The following SLC1A6 variants were observed in gnomAD, a reference collection of about 807,000 sequenced individuals.
SLC1A6 encodes excitatory amino acid transporter 4.
SLC1A6 carries 15 observed loss-of-function variants against 42.1 expected under a neutral mutation model. The observed-to-expected ratio is 0.36, with a 90% confidence interval of 0.24 to 0.55. SLC1A6 has a LOEUF of 0.55. Among genes scored for constraint, SLC1A6 ranks in the 20% least tolerant of loss-of-function variants. SLC1A6 has a pLI of 0.88. For synonymous variants in SLC1A6, 317 were observed against 319.7 expected (o/e 0.99, Z 0.09); for missense variants, 542 against 772.5 (o/e 0.70, Z 3.54).
intron 1 of SLC1A6, among the ~76,000 whole-genome samples, chr19:15,005,389 A>T (rs1427446072): frequency 6.6e-6 from 1 of 152,076 alleles, no homozygotes; most frequent in Non-Finnish European, 1.5e-5. Flanking sequence ...GGCATCTGTA[A>T]TCCCAGCTAC....
chr19:14,993,457 TA>T (rs1555710137), intron 1 of SLC1A6, among the ~76,000 whole-genome samples: 1 of 152,120 alleles, frequency 6.6e-6, no homozygotes, highest in Admixed American at 6.6e-5. Context: ...TTTTATAATT[TA>T]AAAAAATCAA....
At chr19:14,963,636 A>G (rs12459441) in intron 5 of SLC1A6, among the ~76,000 whole-genome samples, 20,263 of 152,142 alleles carry the variant, frequency 0.13, 1,775 homozygotes, top group African/African-American at 0.25. Context: ...TGCCTGAATA[A>G]ATGAATGAGG....
intron 1 of SLC1A6, among the ~76,000 whole-genome samples, chr19:14,999,635 T>C (rs1160018879): frequency 3.9e-5 from 6 of 152,202 alleles, no homozygotes; most frequent in Non-Finnish European, 7.3e-5. Flanking sequence ...CATTTTTTTG[T>C]GGTGAGAACA....
rs1289574517 is a variant in SLC1A6 at position 14,972,560 on chromosome 19, T to TG, written c.205+145dup. ...TTCATCTGTGTGGTGTGTCTTTATG[T>TG]GGGGGGTTGAGGGTGACTGGTGGGA... On this transcript the variant is annotated intron_variant, in intron 2 of 9. Coordinates refer to ENST00000594383, the MANE Select transcript of SLC1A6 (RefSeq NM_005071.3). The TG allele has an allele frequency of 1.3e-4, 82 of 647,870 alleles. 1 individual carries two copies. Among genetic ancestry groups the TG allele is most frequent in the South Asian group, 1.0e-3 (52 of 52,028 alleles). The allele number at this position is 647,870 out of a possible 1,614,324, so 40.1% of individuals were successfully genotyped here.
Position 14,972,872 on chromosome 19 carries a change from G to A in SLC1A6, c.39C>T (p.Ser13=), listed in dbSNP as rs772018990. Residue 13 remains serine (S), a synonymous_variant, in exon 2 of 10, where the codon AGC becomes AGT. Coordinates refer to ENST00000594383, the MANE Select transcript of SLC1A6 (RefSeq NM_005071.3). ...SHGNSLFLRE[S]GQRLGRVGWL... is the part of the protein sequence containing the mutation. ...AGCCCACCCGGCCCAGCCGCTGGCC[G>A]CTCTCCCGCAGGAACAGGCTGTTGC... is the stretch of plus-strand genomic sequence containing the variant. 3.1e-5 allele frequency: 49 copies of A among 1,602,340 alleles called. No individual in the cohort carries two copies. The East Asian group carries it at 9.9e-4, about 32-fold the overall frequency.
At position 15,002,890 on chromosome 19, in the gene SLC1A6, T is replaced by TTTTGTTTG. The variant is rs147491469; in HGVS notation, c.6+7587_6+7594dup. 9.2e-5 allele frequency among the ~76,000 whole-genome samples: 14 copies of TTTTGTTTG among 151,950 alleles called. No individual in the cohort carries two copies. In the South Asian group the frequency reaches 2.7e-3, roughly 29 times the overall value. On this transcript the variant is annotated intron_variant, in intron 1 of 8. Coordinates refer to the SLC1A6 transcript ENST00000430939. ...TGATGATGGATGCCTGAGCCATTAT[T>TTTTGTTTG]TTTGTTTGTTTGTTTGTTTGTTTGT...
upstream of SLC1A6, among the ~76,000 whole-genome samples, chr19:14,982,072 A>C (rs2045771126): frequency 6.6e-6 from 1 of 151,240 alleles, no homozygotes; most frequent in African/African-American, 2.4e-5. Flanking sequence ...AAAAAAAATA[A>C]AATTTAAAAA....
chr19:15,004,129 G>A (rs1035784813), intron 1 of SLC1A6, among the ~76,000 whole-genome samples: 10 of 152,010 alleles, frequency 6.6e-5, no homozygotes, highest in East Asian at 3.9e-4. Flanking sequence ...GCACTCCAGC[G>A]TGAGCAACAG....
At chr19:14,963,858 T>C (rs998279275) in intron 5 of SLC1A6, among the ~76,000 whole-genome samples, 150 of 151,416 alleles carry the variant, frequency 9.9e-4, no homozygotes, top group African/African-American at 3.5e-3. Flanking sequence ...TTTTTTGATA[T>C]GGGGTCTTGC....
intron 1 of SLC1A6, among the ~76,000 whole-genome samples, chr19:15,004,075 G>T (rs897396584): frequency 1.2e-4 from 18 of 152,098 alleles, no homozygotes; most frequent in African/African-American, 4.3e-4. Flanking sequence ...AGAATTGCTT[G>T]AACCCAGGAG....
At chr19:14,968,851 A>AT (rs71168531) in intron 3 of SLC1A6, among the ~76,000 whole-genome samples, 31,151 of 149,548 alleles carry the variant, frequency 0.21, 4,082 homozygotes, top group African/African-American at 0.37. Flanking sequence ...TAACCTAACT[A>AT]TTTTTTTTTT....
At position 14,962,287 on chromosome 19, in the gene SLC1A6, C is replaced by T; in HGVS notation, c.650G>A (p.Gly217Glu). ...VTRTMVRTEN[G>E]SEPGASMPPP... is the part of the protein sequence containing the mutation. The stretch of plus-strand genomic sequence containing the variant: ...AGGCATGGAGGCACCCGGCTCAGAC[C>T]CGTTCTCTGTCCTCACCATGGTCCT... The change falls in exon 6 of 10, where the codon GGG becomes GAG. Residue 217 changes from glycine to glutamate, a missense_variant. Transcript: ENST00000594383. The T allele has an allele frequency of 6.2e-7, 1 of 1,614,118 alleles. No individual in the cohort carries two copies. The highest frequency in any genetic ancestry group is 8.5e-7 in the Non-Finnish European group (1 of 1,180,006).
Position 14,955,098 on chromosome 19 carries a change from C to T in SLC1A6, c.1170-769G>A, listed in dbSNP as rs1315765191. On this transcript the variant is annotated intron_variant, in intron 7 of 9. Coordinates refer to ENST00000594383, the MANE Select transcript of SLC1A6 (RefSeq NM_005071.3). ...GGCATCTCATTTGGGGTAAGTCTGT[C>T]CACAAGGCGTGTGTTCTGTGGTCAG... 5.3e-5 allele frequency among the ~76,000 whole-genome samples: 8 copies of T among 152,090 alleles called. No homozygotes were observed. In the East Asian group the frequency reaches 1.5e-3, roughly 29 times the overall value.
chr19:15,001,629 C>T (rs2045872934), intron 1 of SLC1A6, among the ~76,000 whole-genome samples: 1 of 152,138 alleles, frequency 6.6e-6, no homozygotes, highest in South Asian at 2.1e-4. Flanking sequence ...CTTCACTGAA[C>T]CCACCTATTG....
chr19:14,950,348 A>C lies in SLC1A6; in HGVS notation c.1542T>G (p.Ile514Met). 1 of 1,607,326 alleles carries C rather than the reference A, an allele frequency of 6.2e-7. No homozygotes were observed. The highest frequency in any genetic ancestry group is 8.5e-7 in the Non-Finnish European group (1 of 1,176,150). The change falls in exon 10 of 10, where the codon ATT becomes ATG. Residue 514 changes from isoleucine (I) to methionine (M), a missense_variant. Around this residue, in one of 6 missense-constraint regions of SLC1A6, gnomAD observed 73 missense variants for 85.2 expected, o/e 0.86. Coordinates refer to ENST00000594383, the MANE Select transcript of SLC1A6 (RefSeq NM_005071.3). ...ACAAGTGCTCGATGACGGCCGCTCC[A>C]ATTGAGTCCCCCAGTACGTTGGTCA... ...RTMTNVLGDS[I>M]GAAVIEHLSQ...
At chr19:15,009,382 T>C (rs934360560) in intron 1 of SLC1A6, among the ~76,000 whole-genome samples, 2 of 152,094 alleles carry the variant, frequency 1.3e-5, no homozygotes, top group African/African-American at 4.8e-5. Context: ...GCTCTATATA[T>C]AGCAGATATA....
intron 1 of SLC1A6, among the ~76,000 whole-genome samples, chr19:14,993,917 G>A (rs2045832804): frequency 6.6e-6 from 1 of 152,036 alleles, no homozygotes; most frequent in South Asian, 2.1e-4. Context: ...GGGTGCAGGT[G>A]GGCTGTGAGC....
At chr19:14,972,660 C>A in intron 2 of SLC1A6, 46 bp downstream of exon 2, 1 of 1,540,540 alleles carries the variant, frequency 6.5e-7, no homozygotes, top group South Asian at 1.1e-5. Context: ...TCCCTGAAGT[C>A]CCCGCCTTTC....
chr19:14,998,513 C>T (rs1230402177), intron 1 of SLC1A6, among the ~76,000 whole-genome samples: 1 of 152,074 alleles, frequency 6.6e-6, no homozygotes, highest in Non-Finnish European at 1.5e-5. Context: ...TGTACTCCAG[C>T]CTGGGCAACA....
Sources: gnomAD v4.1 joint callset for allele counts (sites outside exome capture counted in the v4.1 genomes callset) on GRCh38, gnomAD v4.1.1 for gene constraint, gnomAD v4.1.1 regional missense constraint, MANE v1.5 for transcripts, NCBI Gene and HGNC (gene_info 2026-07-23, HGNC 2026-07-21) for gene names.